SKI: variants seen among roughly 807,000 people sequenced by gnomAD.
The protein encoded by SKI is ski oncogene.
In SKI, 23 loss-of-function variants were observed where a neutral mutation model predicts 59.3. The ratio of observed to expected loss-of-function variants is 0.39; its 90% confidence interval spans 0.28 to 0.55. SKI has a LOEUF of 0.55. SKI is among the 20% of genes least tolerant of loss of function. The probability of loss-of-function intolerance (pLI) is 0.67; values close to 1 mark genes in which losing one functional copy is unlikely to be tolerated. For synonymous variants in SKI, 673 were observed against 488.6 expected, an observed-to-expected ratio of 1.38 and a Z score of -4.98; for missense variants, 1,017 against 1,038.9, an observed-to-expected ratio of 0.98 and a Z score of 0.29.
intron 1 of SKI, among the ~76,000 whole-genome samples, chr1:2,245,709 T>C (rs1474695075): frequency 1.3e-5 from 2 of 151,722 alleles, no homozygotes; most frequent in African/African-American, 4.8e-5. Context: ...TTCTTGACCT[T>C]ATGTGACCTG....
At chr1:2,290,539 G>A (rs1184893345) in intron 1 of SKI, among the ~76,000 whole-genome samples, 1 of 152,162 alleles carries the variant, frequency 6.6e-6, no homozygotes, top group Non-Finnish European at 1.5e-5. Flanking sequence ...CAGTTGGCGG[G>A]TGGGCTGGGG....
intron 1 of SKI, among the ~76,000 whole-genome samples, chr1:2,233,126 A>G (rs2100796515): frequency 6.6e-6 from 1 of 152,058 alleles, no homozygotes; most frequent in Admixed American, 6.5e-5. Context: ...CTTTCCGTGC[A>G]GGCTGATAAC....
intron 1 of SKI, among the ~76,000 whole-genome samples, chr1:2,252,550 C>T (rs1639187456): frequency 6.6e-6 from 1 of 152,228 alleles, no homozygotes; most frequent in Admixed American, 6.5e-5. Context: ...TCGAGAGAAA[C>T]CTGGCGGCCC....
At chr1:2,241,494 G>A (rs1403855345) in intron 1 of SKI, among the ~76,000 whole-genome samples, 7 of 152,180 alleles carry the variant, frequency 4.6e-5, no homozygotes, top group South Asian at 2.1e-4. Context: ...CCGGGTTCAC[G>A]CCATTCTCCT....
intron 1 of SKI, among the ~76,000 whole-genome samples, chr1:2,302,447 G>T (rs147871785): frequency 6.6e-6 from 1 of 152,132 alleles, no homozygotes; most frequent in East Asian, 1.9e-4. Context: ...ACAGGGACAC[G>T]GTGTCCCCTC....
intron 1 of SKI, among the ~76,000 whole-genome samples, chr1:2,288,067 C>T (rs1455289154): frequency 6.6e-6 from 1 of 152,174 alleles, no homozygotes; most frequent in Non-Finnish European, 1.5e-5. Context: ...CGGCTCACCC[C>T]AACCTCCACC....
intron 1 of SKI, among the ~76,000 whole-genome samples, chr1:2,250,583 G>C (rs1639123799): frequency 6.6e-6 from 1 of 152,220 alleles, no homozygotes; most frequent in Non-Finnish European, 1.5e-5. Flanking sequence ...GACTGTTTTT[G>C]CAACTTTTTG....
chr1:2,273,699 G>A (rs4648820), intron 1 of SKI, among the ~76,000 whole-genome samples: 2,920 of 152,298 alleles, frequency 0.019, 40 homozygotes, highest in Non-Finnish European at 0.03. Context: ...AGGCCTGACC[G>A]TGACTGCAGC....
intron 1 of SKI, among the ~76,000 whole-genome samples, chr1:2,245,349 C>G (rs938450354): frequency 6.6e-6 from 1 of 152,154 alleles, no homozygotes; most frequent in Admixed American, 6.5e-5. Context: ...CGGGTGACTT[C>G]CACAGTTTAG....
At chr1:2,264,936 G>A (rs568007966) in intron 1 of SKI, among the ~76,000 whole-genome samples, 1 of 151,730 alleles carries the variant, frequency 6.6e-6, no homozygotes, top group Non-Finnish European at 1.5e-5. Flanking sequence ...TCAGCCTCCC[G>A]CGTACCTGGG....
At chr1:2,256,210 A>G (rs1474827831) in intron 1 of SKI, among the ~76,000 whole-genome samples, 2 of 143,400 alleles carry the variant, frequency 1.4e-5, no homozygotes, top group Non-Finnish European at 1.5e-5. Context: ...TCCTGTCTGG[A>G]GCACTCTGTC....
chr1:2,258,839 G>T (rs1013097733), intron 1 of SKI, among the ~76,000 whole-genome samples: 1 of 152,196 alleles, frequency 6.6e-6, no homozygotes, highest in Admixed American at 6.5e-5. Flanking sequence ...GAGCCACCGT[G>T]CCTGGCGGGA....
chr1:2,248,215 T>C (rs1639041160), intron 1 of SKI: 1 of 152,240 alleles, frequency 6.6e-6, no homozygotes, highest in African/African-American at 2.4e-5. Context: ...AGGTTCTGCT[T>C]TGGCCTGGCT....
At chr1:2,242,279 C>T (rs1044751131) in intron 1 of SKI, among the ~76,000 whole-genome samples, 17 of 152,078 alleles carry the variant, frequency 1.1e-4, no homozygotes, top group Non-Finnish European at 2.2e-4. Context: ...CATCAAAGAA[C>T]CCCAGAACAG....
At position 2,306,895 on chromosome 1, in the gene SKI, C is replaced by G. The variant is rs1640604466; in HGVS notation, c.*130C>G. On this transcript the variant is annotated 3_prime_UTR_variant, in exon 7 of 7. Transcript: ENST00000378536. ...ACGTCTTACCGTGCCTATTACCAAG[C>G]GAGTGTTTGTAACCATGTAGTTTTG... 3.3e-6 allele frequency: 2 copies of G among 604,104 alleles called. No individual in the cohort carries two copies. The highest frequency in any genetic ancestry group is 4.8e-6 in the Non-Finnish European group (2 of 418,804). The allele number at this position is 604,104 out of a possible 1,614,324, so 37.4% of individuals were successfully genotyped here.
intron 1 of SKI, among the ~76,000 whole-genome samples, chr1:2,288,205 T>G (rs956640327): frequency 1.3e-5 from 2 of 152,188 alleles, no homozygotes; most frequent in African/African-American, 4.8e-5. Flanking sequence ...CAGGCTGGTC[T>G]CGAACTTCTG....
At position 2,309,219 on chromosome 1, in the gene SKI, A is replaced by T. The variant is rs1640681400; in HGVS notation, c.*2454A>T. 1.3e-5 allele frequency: 2 copies of T among 152,230 alleles called. No homozygotes were observed. Among genetic ancestry groups the T allele is most frequent in the African/African-American group, 4.8e-5 (2 of 41,442 alleles). 9.4% of individuals were successfully genotyped at this position (152,230 alleles called of 1,614,324 possible). On this transcript the variant is annotated 3_prime_UTR_variant, in exon 7 of 7. Transcript: ENST00000378536. ...CACAGGTGCGAGTCCGTTTCTTTTC[A>T]GCAGAAGGGGGAAGAGGTGTCCGCT...
chr1:2,261,661 G>C (rs1394519029), intron 1 of SKI, among the ~76,000 whole-genome samples: 3 of 152,244 alleles, frequency 2.0e-5, no homozygotes, highest in African/African-American at 4.8e-5. Context: ...TGGGTTTTCT[G>C]TGTAGATGAT....
intron 1 of SKI, among the ~76,000 whole-genome samples, chr1:2,231,711 G>A (rs1003115544): frequency 5.3e-5 from 8 of 152,232 alleles, no homozygotes; most frequent in Non-Finnish European, 1.2e-4. Flanking sequence ...AGGCCTGAGT[G>A]GCAGCCACAC....
Sources: gnomAD v4.1 joint callset for allele counts (sites outside exome capture counted in the v4.1 genomes callset) on GRCh38, gnomAD v4.1.1 for gene constraint, MANE v1.5 for transcripts, NCBI Gene and HGNC (gene_info 2026-07-23, HGNC 2026-07-21) for gene names.